Variants in CMKLR1 observed in about 807,000 individuals in gnomAD.
CMKLR1 encodes the protein chemerin chemokine-like receptor 1, also known as chemerin-like receptor 1.
CMKLR1 carries 6 observed loss-of-function variants against 8.2 expected under a neutral mutation model. That is an observed-to-expected ratio of 0.73 (90% CI 0.40 to 1.44). The LOEUF is 1.44. Ranked by LOEUF, CMKLR1 falls within the 40% of genes most tolerant of loss-of-function variation. The pLI is 0.02. For missense variants in CMKLR1, 429 were observed against 478.0 expected, an observed-to-expected ratio of 0.90 and a Z score of 0.96; for synonymous variants, 178 against 181.2, an observed-to-expected ratio of 0.98 and a Z score of 0.14.
chr12:108,336,675 AG>A, intron 1 of CMKLR1, among the ~76,000 whole-genome samples: 1 of 152,322 alleles, frequency 6.6e-6, no homozygotes, highest in Middle Eastern at 3.4e-3. Flanking sequence ...CATGTGGTGT[AG>A]CTCAAAGAGA....
In CMKLR1 at chr12:108,292,713, C is replaced by T. The variant is rs1280682418; in HGVS notation, c.250G>A (p.Ala84Thr). The T allele has an allele frequency of 1.2e-6, 2 of 1,614,028 alleles. No individual in the cohort carries two copies. Among genetic ancestry groups the T allele is most frequent in the Admixed American group, 1.7e-5 (1 of 60,008 alleles). Reference sequence around the variant, plus strand: ...AGGAAGACGTTGAACAGGAAATCTGCCACTGCCAGGTTGAGGAACCAGACC... The same window carrying T: ...AGGAAGACGTTGAACAGGAAATCTGTCACTGCCAGGTTGAGGAACCAGACC... ...NMVWFLNLAVADFLFNVFLPI... is the reference protein window; with the variant it reads ...NMVWFLNLAVTDFLFNVFLPI... Residue 84 changes from alanine (A) to threonine (T), a missense_variant, in exon 4 of 4, where the codon GCA becomes ACA. Ala to Thr is a moderately conservative substitution (Grantham distance 58, BLOSUM62 0). Coordinates refer to ENST00000550402, the MANE Select transcript of CMKLR1 (RefSeq NM_001142343.2).
chr12:108,333,223 C>G (rs1566031607), intron 1 of CMKLR1, among the ~76,000 whole-genome samples: 1 of 132,332 alleles, frequency 7.6e-6, no homozygotes, highest in Non-Finnish European at 1.8e-5. Flanking sequence ...AATCTGAGGA[C>G]CCATGTCCTA....
Position 108,296,823 on chromosome 12 carries a change from C to CA in CMKLR1, c.-73-3160dup, listed in dbSNP as rs372405165. 8.7e-3 allele frequency among the ~76,000 whole-genome samples: 1,182 copies of CA among 135,802 alleles called. 8 individuals are homozygous for CA. Among genetic ancestry groups the CA allele is most frequent in the African/African-American group, 0.025 (926 of 37,232 alleles). The allele number at this position is 135,802 out of a possible 152,430, so 89.1% of individuals were successfully genotyped here. On this transcript the variant is annotated intron_variant, in intron 2 of 3. Transcript: ENST00000550402. ...CTGGACCACAGGGTGAGACTGTCTTCAAAAAAAAAAAAAGAGGGACACAGG... is the reference window on the plus strand; with the variant it reads ...CTGGACCACAGGGTGAGACTGTCTTCAAAAAAAAAAAAAAGAGGGACACAGG...
At chr12:108,306,504 T>G (rs1207570673) in intron 2 of CMKLR1, among the ~76,000 whole-genome samples, 3 of 152,198 alleles carry the variant, frequency 2.0e-5, no homozygotes, top group Admixed American at 6.5e-5. Context: ...CTTCCCATTT[T>G]GTCCTCCCAA....
chr12:108,325,233 G>T (rs7314414), intron 2 of CMKLR1, among the ~76,000 whole-genome samples: 1 of 152,030 alleles, frequency 6.6e-6, no homozygotes, highest in African/African-American at 2.4e-5. Context: ...CTCATGAGTC[G>T]TTCTGGAAAC....
At position 108,290,493 on chromosome 12, in the gene CMKLR1, T is replaced by C. The variant is rs979764673; in HGVS notation, c.*1348A>G. On this transcript the variant is annotated 3_prime_UTR_variant, in exon 4 of 4. Transcript: ENST00000550402. The stretch of plus-strand genomic sequence containing the variant: ...AGGCTATCAATATACTAGAATAATC[T>C]CCACAGATAAATTCCAAATAGAAGA... 6.6e-6 allele frequency: 1 copy of C among 152,198 alleles called. No homozygotes were observed. The highest frequency in any genetic ancestry group is 1.5e-5 in the Non-Finnish European group (1 of 68,042). 9.4% of individuals were successfully genotyped at this position (152,198 alleles called of 1,614,324 possible).
intron 2 of CMKLR1, among the ~76,000 whole-genome samples, chr12:108,321,078 G>A (rs1297492503): frequency 2.0e-5 from 3 of 152,166 alleles, no homozygotes; most frequent in East Asian, 1.9e-4. Context: ...CCTGGCTGCC[G>A]CAGAGCACAA....
At chr12:108,311,552 G>T (rs1593168755) in intron 2 of CMKLR1, among the ~76,000 whole-genome samples, 1 of 152,216 alleles carries the variant, frequency 6.6e-6, no homozygotes. Flanking sequence ...CTTGAGCCCA[G>T]GAAGTCGAGG....
intron 2 of CMKLR1, among the ~76,000 whole-genome samples, chr12:108,295,790 G>A (rs1013619395): frequency 1.3e-5 from 2 of 152,238 alleles, no homozygotes; most frequent in Non-Finnish European, 2.9e-5. Flanking sequence ...ACTCAGGACT[G>A]AGTGCTTCGC....
In CMKLR1 at chr12:108,339,014, T is replaced by C. The variant is rs996595561; in HGVS notation, c.-287+13A>G. 1.3e-5 allele frequency: 2 copies of C among 152,152 alleles called. No homozygotes were observed. Among genetic ancestry groups the C allele is most frequent in the African/African-American group, 4.8e-5 (2 of 41,408 alleles). 9.4% of individuals were successfully genotyped at this position (152,152 alleles called of 1,614,324 possible). ...CCCCTCAGAAGACACCCAAGGCAAG[T>C]GTGTGATGATACCTTCCCTCTGGTC... On this transcript the variant is annotated intron_variant, in intron 1 of 3. Coordinates refer to ENST00000550402, the MANE Select transcript of CMKLR1 (RefSeq NM_001142343.2).
At chr12:108,308,370 C>T (rs879918225) in intron 2 of CMKLR1, among the ~76,000 whole-genome samples, 4 of 152,168 alleles carry the variant, frequency 2.6e-5, no homozygotes, top group Admixed American at 2.6e-4. Context: ...GTTTTAGGGT[C>T]CCAGGAGAAT....
At position 108,335,928 on chromosome 12, in the gene CMKLR1, A is replaced by G. The variant is rs908890074; in HGVS notation, c.-287+3099T>C. ...GCCTCCATGCTGGGGGATTGCTAAC[A>G]CGATCTGACTTTCTGTGGTACTATA... On this transcript the variant is annotated intron_variant, in intron 1 of 3. Transcript: ENST00000550402. 4.6e-5 allele frequency among the ~76,000 whole-genome samples: 7 copies of G among 152,214 alleles called. No homozygotes were observed. The East Asian group carries it at 5.8e-4, about 13-fold the overall frequency.
chr12:108,331,533 C>A (rs189486732), intron 1 of CMKLR1, among the ~76,000 whole-genome samples: 4 of 152,220 alleles, frequency 2.6e-5, no homozygotes, highest in African/African-American at 9.6e-5. Context: ...CACTGTTAGA[C>A]AGAATAACAG....
intron 3 of CMKLR1, among the ~76,000 whole-genome samples, chr12:108,293,183 C>T (rs919335779): frequency 3.3e-5 from 5 of 152,180 alleles, no homozygotes; most frequent in African/African-American, 1.2e-4. Flanking sequence ...TTCACAGTAA[C>T]TCAATGAGGT....
intron 1 of CMKLR1, among the ~76,000 whole-genome samples, chr12:108,331,988 T>C (rs1039956667): frequency 1.6e-4 from 25 of 152,252 alleles, no homozygotes; most frequent in African/African-American, 4.6e-4. Flanking sequence ...AGGAAACATA[T>C]ACACTTGCTA....
chr12:108,290,860 A>G lies in CMKLR1; in HGVS notation c.*981T>C, dbSNP rs1890944828. Reference sequence around the variant, plus strand: ...AAAGCTGCATTTTGGACCTGTCTCCAAAGGCGTTGAGGAAATTAACCAGAA... The same window carrying G: ...AAAGCTGCATTTTGGACCTGTCTCCGAAGGCGTTGAGGAAATTAACCAGAA... On this transcript the variant is annotated 3_prime_UTR_variant, in exon 4 of 4. Transcript: ENST00000550402. 1 of 152,288 alleles carries G rather than the reference A, an allele frequency of 6.6e-6. No homozygotes were observed. The highest frequency in any genetic ancestry group is 1.5e-5 in the Non-Finnish European group (1 of 68,094). The allele number at this position is 152,288 out of a possible 1,614,324, so 9.4% of individuals were successfully genotyped here. A position where few individuals can be genotyped will look rare whatever the true frequency, so the allele number is the denominator to read the frequency against.
At chr12:108,308,850 G>A (rs1566022892) in intron 2 of CMKLR1, among the ~76,000 whole-genome samples, 1 of 152,308 alleles carries the variant, frequency 6.6e-6, no homozygotes, top group East Asian at 1.9e-4. Flanking sequence ...CCTATTATGA[G>A]CCAGGCCTGG....
chr12:108,324,535 G>A lies in CMKLR1; in HGVS notation c.-74+5460C>T, dbSNP rs528496320. 5.3e-5 allele frequency among the ~76,000 whole-genome samples: 8 copies of A among 152,254 alleles called. No homozygotes were observed. In the East Asian group the frequency reaches 1.4e-3, roughly 26 times the overall value. On this transcript the variant is annotated intron_variant, in intron 2 of 3. Transcript: ENST00000550402. Reference sequence around the variant, plus strand: ...GCAGACGGGAAGCCAGAGCACAGACGAGGCGCCTCTCCCTGGAGCCGACCC... The same window carrying A: ...GCAGACGGGAAGCCAGAGCACAGACAAGGCGCCTCTCCCTGGAGCCGACCC...
At chr12:108,301,509 T>G (rs1891272242) in intron 2 of CMKLR1, among the ~76,000 whole-genome samples, 1 of 152,200 alleles carries the variant, frequency 6.6e-6, no homozygotes, top group Non-Finnish European at 1.5e-5. Context: ...AAAGCCCTAC[T>G]ATGTAACATG....
Sources: gnomAD v4.1 joint callset for allele counts (sites outside exome capture counted in the v4.1 genomes callset) on GRCh38, gnomAD v4.1.1 for gene constraint, MANE v1.5 for transcripts, NCBI Gene and HGNC (gene_info 2026-07-23, HGNC 2026-07-21) for gene names.